CSMD1: variants seen among roughly 807,000 people sequenced by gnomAD.
CSMD1 encodes the protein CUB and Sushi multiple domains 1.
CSMD1 carries 213 observed loss-of-function variants against 417.5 expected under a neutral mutation model. The ratio of observed to expected loss-of-function variants is 0.51; its 90% confidence interval spans 0.46 to 0.57. CSMD1 has a LOEUF of 0.57. Among genes scored for constraint, CSMD1 ranks in the 20% least tolerant of loss-of-function variants. CSMD1 has a pLI of 0.00. For missense variants in CSMD1, 6,923 were observed against 4,529.7 expected (o/e 1.53, Z -15.17); for synonymous variants, 2,862 against 1,736.8 (o/e 1.65, Z -16.11).
intron 1 of CSMD1, among the ~76,000 whole-genome samples, chr8:4,766,726 C>T (rs1812490463): frequency 6.6e-6 from 1 of 152,178 alleles, no homozygotes; most frequent in Admixed American, 6.5e-5. Flanking sequence ...ACAGAACCTC[C>T]ACTAATCCTA....
intron 2 of CSMD1, among the ~76,000 whole-genome samples, chr8:4,494,897 G>C (rs77899519): frequency 6.6e-6 from 1 of 152,030 alleles, no homozygotes; most frequent in African/African-American, 2.4e-5. Flanking sequence ...AATTCTCATT[G>C]TTAGGACAAA....
chr8:4,544,595 T>C (rs1216771300), intron 2 of CSMD1, among the ~76,000 whole-genome samples: 1 of 152,174 alleles, frequency 6.6e-6, no homozygotes, highest in East Asian at 1.9e-4. Flanking sequence ...CTTAAAAATA[T>C]ACACAAATCT....
intron 1 of CSMD1, among the ~76,000 whole-genome samples, chr8:4,731,059 G>A (rs1013321281): frequency 6.6e-6 from 1 of 152,176 alleles, no homozygotes; most frequent in African/African-American, 2.4e-5. Context: ...GGGTCTGTGG[G>A]TCTTGACTCC....
chr8:3,973,202 G>T (rs6984352), intron 5 of CSMD1, among the ~76,000 whole-genome samples: 6 of 152,012 alleles, frequency 3.9e-5, no homozygotes, highest in African/African-American at 1.5e-4. Context: ...TGGTGGTGCT[G>T]CATGCAGCTG....
At chr8:3,096,468 C>G (rs1815304806) in intron 47 of CSMD1, among the ~76,000 whole-genome samples, 1 of 152,098 alleles carries the variant, frequency 6.6e-6, no homozygotes, top group Non-Finnish European at 1.5e-5. Context: ...CCCACTCTTT[C>G]TCTCTCTCTG....
intron 9 of CSMD1, among the ~76,000 whole-genome samples, chr8:3,581,608 G>C (rs1016751463): frequency 3.3e-4 from 50 of 152,228 alleles, no homozygotes; most frequent in African/African-American, 1.1e-3. Flanking sequence ...GGAACCTTGA[G>C]AATCAGTCCT....
At chr8:4,106,869 TTCAAC>T (rs1801595843) in intron 3 of CSMD1, among the ~76,000 whole-genome samples, 1 of 152,142 alleles carries the variant, frequency 6.6e-6, no homozygotes. Flanking sequence ...CCCGCATTTC[TTCAAC>T]TCAAGTCATC....
chr8:4,461,541 T>A (rs996389999), intron 2 of CSMD1, among the ~76,000 whole-genome samples: 2 of 148,464 alleles, frequency 1.3e-5, no homozygotes, highest in African/African-American at 5.1e-5. Flanking sequence ...AAATCCATAT[T>A]TTTTTTTGGT....
intron 3 of CSMD1, among the ~76,000 whole-genome samples, chr8:4,315,796 A>G (rs999596087): frequency 4.7e-5 from 4 of 85,632 alleles, no homozygotes; most frequent in African/African-American, 1.1e-4. Flanking sequence ...GCATAAAGTA[A>G]TTCAAACTTT....
chr8:4,674,365 G>T (rs769081863), intron 1 of CSMD1, among the ~76,000 whole-genome samples: 7 of 152,130 alleles, frequency 4.6e-5, no homozygotes, highest in Non-Finnish European at 7.4e-5. Context: ...ATAGGTTGAT[G>T]CCAGGATAGG....
intron 7 of CSMD1, among the ~76,000 whole-genome samples, chr8:3,667,657 G>C (rs1038728437): frequency 2.6e-5 from 4 of 152,148 alleles, no homozygotes; most frequent in African/African-American, 9.7e-5. Context: ...CCCAGGCCTT[G>C]GGGTGAAGAG....
At chr8:4,373,551 T>G (rs1397998842) in intron 3 of CSMD1, among the ~76,000 whole-genome samples, 1 of 152,230 alleles carries the variant, frequency 6.6e-6, no homozygotes, top group African/African-American at 2.4e-5. Context: ...TTCTATTACG[T>G]ACTCAACTCT....
chr8:4,351,318 C>G (rs893511732), intron 3 of CSMD1, among the ~76,000 whole-genome samples: 1 of 152,188 alleles, frequency 6.6e-6, no homozygotes, highest in African/African-American at 2.4e-5. Flanking sequence ...AAATGTTTCT[C>G]CAGCTATATA....
intron 1 of CSMD1, among the ~76,000 whole-genome samples, chr8:4,832,807 C>T (rs943351178): frequency 3.3e-5 from 5 of 152,110 alleles, no homozygotes; most frequent in South Asian, 2.1e-4. Context: ...GACATTCATC[C>T]TCAGGGTCAG....
intron 3 of CSMD1, among the ~76,000 whole-genome samples, chr8:4,250,439 T>C (rs1260567176): frequency 2.6e-5 from 4 of 152,092 alleles, no homozygotes; most frequent in Admixed American, 6.5e-5. Context: ...CTGGGGAACA[T>C]GCGTAATACA....
At chr8:3,210,926 C>T (rs1358971420) in intron 30 of CSMD1, among the ~76,000 whole-genome samples, 2 of 151,944 alleles carry the variant, frequency 1.3e-5, no homozygotes, top group Non-Finnish European at 2.9e-5. Flanking sequence ...CTTTTATCTC[C>T]CTCACACTAG....
At chr8:3,996,546 C>G (rs138263269) in intron 5 of CSMD1, among the ~76,000 whole-genome samples, 86 of 152,098 alleles carry the variant, frequency 5.7e-4, no homozygotes, top group Middle Eastern at 3.4e-3. Flanking sequence ...TTATCCACCT[C>G]TCGGCTCAGC....
At chr8:4,714,488 A>T (rs1309653414) in intron 1 of CSMD1, among the ~76,000 whole-genome samples, 1 of 152,330 alleles carries the variant, frequency 6.6e-6, no homozygotes, top group South Asian at 2.1e-4. Context: ...CATCTTACTT[A>T]ACTTTTCAGA....
intron 21 of CSMD1, among the ~76,000 whole-genome samples, chr8:3,354,923 C>CTATAGATCTATCTATAGATATGTCTATG (rs1808672574): frequency 6.6e-6 from 1 of 150,492 alleles, no homozygotes; most frequent in Admixed American, 6.6e-5. Flanking sequence ...ATATGTCTAT[C>CTATAGATCTATCTATAGATATGTCTATG]TATAGATATA....
Sources: gnomAD v4.1 joint callset for allele counts (sites outside exome capture counted in the v4.1 genomes callset) on GRCh38, gnomAD v4.1.1 for gene constraint, MANE v1.5 for transcripts, NCBI Gene and HGNC (gene_info 2026-07-23, HGNC 2026-07-21) for gene names.